Variants in REV1 observed in about 807,000 individuals in gnomAD.
REV1 encodes translesion synthesis protein REV1.
A neutral mutation model predicts 137.4 loss-of-function variants in REV1; 42 were observed. The ratio of observed to expected loss-of-function variants is 0.31; its 90% CI spans 0.24 to 0.40. The LOEUF (loss-of-function observed/expected upper bound fraction) is 0.40. Among genes scored for constraint, REV1 ranks in the 10% least tolerant of loss-of-function variants. The probability of loss-of-function intolerance (pLI) is 1.00; values close to 1 mark genes in which losing one functional copy is unlikely to be tolerated. For missense variants in REV1, 1,282 were observed against 1,490.1 expected (o/e 0.86, Z 2.30); for synonymous variants, 524 against 519.2 (o/e 1.01, Z -0.12).
intron 8 of REV1, among the ~76,000 whole-genome samples, chr2:99,433,634 T>G (rs555277962): frequency 6.6e-6 from 1 of 152,332 alleles, no homozygotes. Context: ...TCTGACTACT[T>G]TCTGGGTAAT....
chr2:99,409,853 A>ACCC (rs36096966), intron 14 of REV1, among the ~76,000 whole-genome samples: 34 of 78,540 alleles, frequency 4.3e-4, no homozygotes, highest in East Asian at 2.3e-3. Flanking sequence ...AAAACAAACA[A>ACCC]CCCCCCCCCC....
At chr2:99,473,110 A>G (rs1457613950) in intron 1 of REV1, among the ~76,000 whole-genome samples, 2 of 152,296 alleles carry the variant, frequency 1.3e-5, no homozygotes, top group African/African-American at 4.8e-5. Flanking sequence ...TCATGCCTGT[A>G]ATCCCAGTAC....
At chr2:99,407,240 C>T (rs1045530479) in intron 15 of REV1, among the ~76,000 whole-genome samples, 13 of 151,432 alleles carry the variant, frequency 8.6e-5, no homozygotes, top group Non-Finnish European at 1.5e-4. Context: ...GAGGCATGCA[C>T]CACCACACCC....
intron 8 of REV1, chr2:99,431,699 A>G: frequency 4.1e-6 from 4 of 984,638 alleles, no homozygotes; most frequent in Non-Finnish European, 4.8e-6. Flanking sequence ...CCCTGGCCTG[A>G]GAGGCAGCAC....
chr2:99,444,262 TC>T (rs994488654), intron 4 of REV1, among the ~76,000 whole-genome samples: 2 of 152,246 alleles, frequency 1.3e-5, no homozygotes, highest in African/African-American at 4.8e-5. Flanking sequence ...ACCTTAGCTT[TC>T]CATCCTTTAT....
intron 1 of REV1, among the ~76,000 whole-genome samples, chr2:99,488,548 A>C (rs1687333098): frequency 2.0e-5 from 1 of 49,812 alleles, no homozygotes; most frequent in African/African-American, 6.7e-5. Flanking sequence ...AATTGAATGG[A>C]AGAGAGCCTT....
chr2:99,467,694 T>C (rs567500591), intron 1 of REV1, among the ~76,000 whole-genome samples: 10 of 152,318 alleles, frequency 6.6e-5, no homozygotes, highest in African/African-American at 1.9e-4. Context: ...AAATTGGAAG[T>C]AGACAGACCA....
Position 99,464,147 on chromosome 2 carries a change from A to C in REV1, c.54+775T>G, listed in dbSNP as rs78826405. Among the ~76,000 whole-genome samples the C allele has an allele frequency of 1.7e-3, 266 of 152,352 alleles. 1 individual carries two copies. The highest frequency in any genetic ancestry group is 2.9e-3 in the Non-Finnish European group (195 of 68,044). On this transcript the variant is annotated intron_variant, in intron 2 of 22. Transcript: ENST00000258428. ...AACATTCACCTCACAATAAATATTA[A>C]AAAATAATTTTTTTTGCTAAACATC...
In REV1 at chr2:99,445,386, T is replaced by C. The variant is rs72958313; in HGVS notation, c.351-2917A>G. On this transcript the variant is annotated intron_variant, in intron 4 of 22. Transcript: ENST00000258428. ...ACCAGAACAATAAATTATCATTCTG[T>C]CTCAACTCCCAACAGATCTATGTGA... Among the ~76,000 whole-genome samples the C allele has an allele frequency of 8.1e-3, 1,240 of 152,302 alleles. 15 individuals carry two copies. The highest frequency in any genetic ancestry group is 0.027 in the African/African-American group (1,114 of 41,558).
intron 3 of REV1, among the ~76,000 whole-genome samples, chr2:99,461,383 A>G (rs945712389): frequency 6.6e-6 from 1 of 152,240 alleles, no homozygotes; most frequent in Non-Finnish European, 1.5e-5. Flanking sequence ...CAGTAAACAG[A>G]CAACTATGGA....
At chr2:99,444,846 C>G (rs1681985277) in intron 4 of REV1, among the ~76,000 whole-genome samples, 1 of 152,058 alleles carries the variant, frequency 6.6e-6, no homozygotes, top group Admixed American at 6.6e-5. Context: ...TTTACTATTT[C>G]CCCTCTTGTT....
intron 4 of REV1, among the ~76,000 whole-genome samples, chr2:99,448,865 T>C (rs1007524004): frequency 1.3e-5 from 2 of 152,226 alleles, no homozygotes; most frequent in Non-Finnish European, 2.9e-5. Context: ...CACATTAACA[T>C]GCTACTTTTA....
chr2:99,447,824 G>A (rs377145300), intron 4 of REV1, among the ~76,000 whole-genome samples: 164 of 151,782 alleles, frequency 1.1e-3, no homozygotes, highest in African/African-American at 3.5e-3. Context: ...GGGTTCACGC[G>A]ATTCTCCTGC....
intron 7 of REV1, 145 bp downstream of exon 7, chr2:99,435,689 C>T: frequency 3.7e-6 from 2 of 535,366 alleles, no homozygotes; most frequent in Non-Finnish European, 6.6e-6. Flanking sequence ...CCTATACCTT[C>T]CCTGATAATC....
At chr2:99,464,827 T>A (rs1046969221) in intron 2 of REV1, 95 bp downstream of exon 2, 9 of 1,185,862 alleles carry the variant, frequency 7.6e-6, no homozygotes, top group South Asian at 1.3e-5. Flanking sequence ...TAAAGTAATT[T>A]ACAATTTAGA....
At chr2:99,407,681 T>C (rs943921918) in intron 15 of REV1, among the ~76,000 whole-genome samples, 1 of 152,154 alleles carries the variant, frequency 6.6e-6, no homozygotes, top group African/African-American at 2.4e-5. Context: ...GCAGAGTATG[T>C]TTCTGATTAA....
rs1233425675 is a variant in REV1, at chr2:99,449,531, AAG to A, written c.182-29_182-28del. On this transcript the variant is annotated intron_variant, in intron 3 of 22. Coordinates refer to ENST00000258428, the MANE Select transcript of REV1 (RefSeq NM_016316.4). Reference sequence around the variant, plus strand: ...TGCAAAATTTATATTAAAATATATTAAGAGTCTTATGTGTAAGAAGTAGAACC... The same window carrying A: ...TGCAAAATTTATATTAAAATATATTAAGTCTTATGTGTAAGAAGTAGAACC... 2.4e-6 allele frequency: 3 copies of A among 1,264,374 alleles called. No homozygotes were observed. In the African/African-American group the frequency reaches 4.7e-5, roughly 20 times the overall value. The allele number at this position is 1,264,374 out of a possible 1,614,324, so 78.3% of individuals were successfully genotyped here.
At chr2:99,450,174 T>C (rs945125762) in intron 3 of REV1, among the ~76,000 whole-genome samples, 6 of 152,248 alleles carry the variant, frequency 3.9e-5, no homozygotes, top group Admixed American at 3.9e-4. Flanking sequence ...TTCAATTTTG[T>C]TTCAAATGAT....
intron 3 of REV1, among the ~76,000 whole-genome samples, chr2:99,453,305 G>C (rs1683129180): frequency 6.6e-6 from 1 of 151,368 alleles, no homozygotes; most frequent in Non-Finnish European, 1.5e-5. Flanking sequence ...GTTGCAATGA[G>C]CTGAGATTGT....
Sources: gnomAD v4.1 joint callset for allele counts (sites outside exome capture counted in the v4.1 genomes callset) on GRCh38, gnomAD v4.1.1 for gene constraint, MANE v1.5 for transcripts, NCBI Gene and HGNC (gene_info 2026-07-23, HGNC 2026-07-21) for gene names.